Variants in MTFR1 observed in about 807,000 individuals in gnomAD.
MTFR1 encodes mitochondrial fission regulator 1.
MTFR1 carries 28 observed loss-of-function variants against 38.8 expected under a neutral mutation model. The observed-to-expected ratio is 0.72, with a 90% CI of 0.53 to 0.99. The LOEUF is 0.99. Ranked by LOEUF, MTFR1 falls within the 50% of genes least tolerant of loss-of-function variation. The pLI, the probability that MTFR1 is intolerant of heterozygous loss-of-function variation, is 0.00. For synonymous variants in MTFR1, 145 were observed against 137.0 expected (o/e 1.06, Z -0.41); for missense variants, 358 against 395.5 (o/e 0.91, Z 0.81).
downstream of MTFR1, among the ~76,000 whole-genome samples, chr8:65,776,029 G>C (rs1464150512): frequency 6.6e-6 from 1 of 151,840 alleles, no homozygotes; most frequent in African/African-American, 2.4e-5. Flanking sequence ...TTTAATTTCA[G>C]GCTTCCCCTA....
intron 3 of MTFR1, among the ~76,000 whole-genome samples, chr8:65,763,922 T>A (rs1021216522): frequency 6.6e-6 from 1 of 152,130 alleles, no homozygotes; most frequent in African/African-American, 2.4e-5. Context: ...TGCTATCGAG[T>A]TAAGGAAGAT....
intron 1 of MTFR1, among the ~76,000 whole-genome samples, chr8:65,655,413 T>C (rs72666518): frequency 0.035 from 5,395 of 152,286 alleles, 146 homozygotes; most frequent in Non-Finnish European, 0.056. Flanking sequence ...ATTTATTCCC[T>C]TGTGGACTGA....
chr8:65,761,917 A>G (rs1585887692), intron 3 of MTFR1, among the ~76,000 whole-genome samples: 1 of 152,202 alleles, frequency 6.6e-6, no homozygotes, highest in East Asian at 1.9e-4. Flanking sequence ...ATTCTTTTCT[A>G]TCACCCAAAT....
downstream of MTFR1, among the ~76,000 whole-genome samples, chr8:65,773,569 C>A (rs768955344): frequency 2.6e-5 from 4 of 152,100 alleles, no homozygotes; most frequent in African/African-American, 4.8e-5. Context: ...TAATTTGAAC[C>A]ATTTTTTTGT....
chr8:65,767,764 C>G (rs1160133084), intron 3 of MTFR1, among the ~76,000 whole-genome samples: 1 of 152,158 alleles, frequency 6.6e-6, no homozygotes, highest in African/African-American at 2.4e-5. Context: ...ACCCCTTCCC[C>G]CATACCTCAC....
intron 4 of MTFR1, among the ~76,000 whole-genome samples, chr8:65,700,323 C>T (rs1805573114): frequency 7.1e-6 from 1 of 141,102 alleles, no homozygotes; most frequent in Non-Finnish European, 1.5e-5. Context: ...TGCATTCCAA[C>T]CTCAGCAATG....
chr8:65,715,727 T>C (rs1306825401), intron 2 of MTFR1, among the ~76,000 whole-genome samples: 2 of 146,654 alleles, frequency 1.4e-5, no homozygotes, highest in Non-Finnish European at 3.0e-5. Flanking sequence ...GGCTCACGCC[T>C]GTAATCCCAG....
chr8:65,734,933 A>T, intron 3 of MTFR1: 6 of 1,224,538 alleles, frequency 4.9e-6, no homozygotes, highest in Non-Finnish European at 6.1e-6. Flanking sequence ...ATTGTATATG[A>T]GCAACATATA....
chr8:65,750,628 A>T (rs1342347114), intron 3 of MTFR1, among the ~76,000 whole-genome samples: 1 of 152,044 alleles, frequency 6.6e-6, no homozygotes, highest in Non-Finnish European at 1.5e-5. Flanking sequence ...AATTCAATCC[A>T]CTGTGCTCTG....
intron 3 of MTFR1, among the ~76,000 whole-genome samples, chr8:65,730,610 C>T (rs571379610): frequency 3.9e-5 from 6 of 152,188 alleles, no homozygotes; most frequent in East Asian, 3.9e-4. Context: ...AAAAGGTTGG[C>T]GGCCACTGCT....
rs550172286 is a variant in MTFR1, at chr8:65,727,466, G to A, written c.*48+7985G>A. 1.5e-5 allele frequency: 13 copies of A among 884,534 alleles called. No individual in the cohort carries two copies. In the South Asian group the frequency reaches 2.0e-4, roughly 14 times the overall value. The allele number at this position is 884,534 out of a possible 1,614,324, so 54.8% of individuals were successfully genotyped here. A position where few individuals can be genotyped will look rare whatever the true frequency, so the allele number is the denominator to read the frequency against. On this transcript the variant is annotated intron_variant, in intron 3 of 3. Coordinates refer to the MTFR1 transcript ENST00000521247. The stretch of plus-strand genomic sequence containing the variant: ...TTAGGTTCACCAAGCACATCTGCCA[G>A]GTCCTGATCTCATCACCACACTGGC...
At chr8:65,777,864 C>T in the MTFR1 span, among the ~76,000 whole-genome samples, 2 of 152,104 alleles carry the variant, frequency 1.3e-5, no homozygotes, top group Non-Finnish European at 2.9e-5. Flanking sequence ...TACTCTGGTA[C>T]ACTTAGGTGT....
intron 1 of MTFR1, among the ~76,000 whole-genome samples, chr8:65,648,825 T>C (rs962584110): frequency 1.3e-5 from 2 of 152,254 alleles, no homozygotes; most frequent in Non-Finnish European, 2.9e-5. Flanking sequence ...TTTTTAAACA[T>C]TTAAGATTTT....
In MTFR1 at chr8:65,707,927, T is replaced by C; in HGVS notation, c.849T>C (p.Ala283=). 1 of 1,614,112 alleles carries C rather than the reference T, an allele frequency of 6.2e-7. No homozygotes were observed. The highest frequency in any genetic ancestry group is 8.5e-7 in the Non-Finnish European group (1 of 1,179,992). The change falls in exon 7 of 8, where the codon GCT becomes GCC. Residue 283 remains alanine (A), a synonymous_variant. Coordinates refer to ENST00000262146, the MANE Select transcript of MTFR1 (RefSeq NM_014637.4). ...CAGAGGCTCTGAAAAAGAAATTTGC[T>C]TATCGGTATCGAAGTGATAGCCAAG... is the stretch of plus-strand genomic sequence containing the variant. ...LIAEALKKKF[A]YRYRSDSQDE...
intron 4 of MTFR1, among the ~76,000 whole-genome samples, chr8:65,703,316 T>C (rs1295071033): frequency 6.6e-6 from 1 of 151,140 alleles, no homozygotes; most frequent in African/African-American, 2.4e-5. Flanking sequence ...AGCCTAGGAG[T>C]TGGCAGTGTG....
chr8:65,674,948 G>A (rs907531667), intron 2 of MTFR1, among the ~76,000 whole-genome samples: 1 of 152,082 alleles, frequency 6.6e-6, no homozygotes, highest in African/African-American at 2.4e-5. Flanking sequence ...TCTTTTCAGT[G>A]TACTTTGCTA....
At chr8:65,773,674 G>T (rs1421807856), downstream of MTFR1, among the ~76,000 whole-genome samples, 1 of 151,922 alleles carries the variant, frequency 6.6e-6, no homozygotes, top group Non-Finnish European at 1.5e-5. Context: ...GATATGTTTG[G>T]TCTTCCTTCT....
intron 4 of MTFR1, among the ~76,000 whole-genome samples, chr8:65,694,047 C>CA (rs892784036): frequency 5.3e-5 from 8 of 150,372 alleles, no homozygotes; most frequent in African/African-American, 2.0e-4. Context: ...GGATCACAGG[C>CA]ATGCACCACC....
chr8:65,719,331 A>C, intron 2 of MTFR1: 6 of 1,613,986 alleles, frequency 3.7e-6, no homozygotes, highest in Non-Finnish European at 5.1e-6. Flanking sequence ...TGTGAGTTCA[A>C]CTCAAATGCA....
Sources: gnomAD v4.1 joint callset for allele counts (sites outside exome capture counted in the v4.1 genomes callset) on GRCh38, gnomAD v4.1.1 for gene constraint, MANE v1.5 for transcripts, NCBI Gene and HGNC (gene_info 2026-07-23, HGNC 2026-07-21) for gene names.